UBOX5: variants seen among roughly 807,000 people sequenced by gnomAD.
UBOX5 encodes RING finger protein 37.
UBOX5 carries 28 observed loss-of-function variants against 39.0 expected under a neutral mutation model. The observed-to-expected ratio is 0.72, with a 90% confidence interval of 0.53 to 0.98. The LOEUF (loss-of-function observed/expected upper bound fraction) is 0.98, where lower values mean the gene tolerates loss of function less well. Ranked by LOEUF, UBOX5 falls within the 50% of genes least tolerant of loss-of-function variation. UBOX5 has a pLI of 0.00. For missense variants in UBOX5, 585 were observed against 674.4 expected (o/e 0.87, Z 1.47); for synonymous variants, 283 against 275.5 (o/e 1.03, Z -0.27).
chr20:3,112,694 CTGTAATCCCAG>C (rs1387309385), intron 4 of UBOX5, among the ~76,000 whole-genome samples: 6 of 152,288 alleles, frequency 3.9e-5, no homozygotes, highest in Middle Eastern at 3.4e-3. Context: ...TGGCTCACAC[CTGTAATCCCAG>C]TGTAATCCCA....
At chr20:3,130,141 C>T (rs180919672) in intron 1 of UBOX5, among the ~76,000 whole-genome samples, 1 of 151,940 alleles carries the variant, frequency 6.6e-6, no homozygotes, top group East Asian at 1.9e-4. Context: ...TATGGCTTGA[C>T]CCCAGGAGTT....
In UBOX5 at chr20:3,149,172, G is replaced by T; in HGVS notation, c.-42+10594C>A. On this transcript the variant is annotated intron_variant, in intron 1 of 4. Transcript: ENST00000217173. This position sits in a 1 kb window ranked among gnomAD's most constrained non-coding sequence, Gnocchi z 4.1. ...TGGTGCTTGATTAGAGCTGGACGGG[G>T]AGGTGTTCCACAAAAACTGCCTGGA... The T allele has an allele frequency of 1.5e-6, 2 of 1,335,538 alleles. No individual in the cohort carries two copies. The highest frequency in any genetic ancestry group is 1.0e-6 in the Non-Finnish European group (1 of 981,534). The allele number at this position is 1,335,538 out of a possible 1,614,324, so 82.7% of individuals were successfully genotyped here. A position where few individuals can be genotyped will look rare whatever the true frequency, so the allele number is the denominator to read the frequency against.
At chr20:3,113,402 G>A (rs1439671048) in intron 4 of UBOX5, among the ~76,000 whole-genome samples, 2 of 152,096 alleles carry the variant, frequency 1.3e-5, no homozygotes, top group Non-Finnish European at 2.9e-5. Context: ...GGGAGTAGGA[G>A]TTGAGGTTTT....
rs189412080 is a variant in UBOX5 at position 3,130,109 on chromosome 20, C to T, written c.-41-6703G>A. ...TTAGCTGGGCATGGTGGCATGTGTC[C>T]GTAGTCCCAGCTACTCAGGAGTATG... On this transcript the variant is annotated intron_variant, in intron 1 of 4. Coordinates refer to ENST00000217173, the MANE Select transcript of UBOX5 (RefSeq NM_014948.4). Among the ~76,000 whole-genome samples, 31 of 151,858 alleles carry T rather than the reference C, an allele frequency of 2.0e-4. No homozygotes were observed. In the East Asian group the frequency reaches 5.0e-3, roughly 25 times the overall value.
At chr20:3,125,205 G>A (rs1333987052) in intron 1 of UBOX5, among the ~76,000 whole-genome samples, 7 of 148,488 alleles carry the variant, frequency 4.7e-5, no homozygotes, top group African/African-American at 1.8e-4. Context: ...TGAGAAGTGA[G>A]GAGTGCCTCT....
chr20:3,127,036 C>CA (rs10579307), intron 1 of UBOX5, among the ~76,000 whole-genome samples: 1,321 of 66,120 alleles, frequency 0.02, 70 homozygotes, highest in Non-Finnish European at 0.029. Context: ...AACTCCGTCT[C>CA]AAAAAAAAAA....
intron 1 of UBOX5, among the ~76,000 whole-genome samples, chr20:3,125,730 A>T (rs1464425157): frequency 1.0e-5 from 1 of 100,450 alleles, no homozygotes; most frequent in Non-Finnish European, 2.0e-5. Flanking sequence ...GCCGCCCATC[A>T]TCTGGGAGGT....
At chr20:3,119,217 G>C (rs558648216) in intron 3 of UBOX5, among the ~76,000 whole-genome samples, 13 of 152,192 alleles carry the variant, frequency 8.5e-5, no homozygotes, top group Non-Finnish European at 1.3e-4. Flanking sequence ...CCTATGGAGA[G>C]GCCCACAAGG....
At chr20:3,151,711 TTTTC>T (rs1429897707) in intron 1 of UBOX5, 1 of 151,978 alleles carries the variant, frequency 6.6e-6, no homozygotes, top group Non-Finnish European at 1.5e-5. Flanking sequence ...AAAATAATGT[TTTTC>T]TTTAATATTT....
rs1389535959 is a variant in UBOX5, at chr20:3,109,113, G to A, written c.*993C>T. 2.0e-5 allele frequency: 3 copies of A among 152,008 alleles called. No individual in the cohort carries two copies. Among genetic ancestry groups the A allele is most frequent in the African/African-American group, 7.3e-5 (3 of 41,348 alleles). 9.4% of individuals were successfully genotyped at this position (152,008 alleles called of 1,614,324 possible). ...ATCTTTAGGCTGTTCCTTCCCAAAC[G>A]TGCTTAGAAGGGAACAGGGAAAGGC... On this transcript the variant is annotated 3_prime_UTR_variant, in exon 5 of 5. Transcript: ENST00000217173.
chr20:3,142,510 A>T (rs545188499), intron 1 of UBOX5, among the ~76,000 whole-genome samples: 1 of 151,244 alleles, frequency 6.6e-6, no homozygotes, highest in East Asian at 2.0e-4. Context: ...AGGCTGAGGC[A>T]GGAGAATCTC....
At chr20:3,151,648 A>T (rs556217308) in intron 1 of UBOX5, 10 of 151,636 alleles carry the variant, frequency 6.6e-5, no homozygotes, top group South Asian at 6.2e-4. Context: ...AAAATAAATT[A>T]AAAAAATAAA....
chr20:3,123,241 A>C, intron 2 of UBOX5, 71 bp downstream of exon 2: 1 of 1,510,588 alleles, frequency 6.6e-7, no homozygotes. Context: ...ATCCACACAC[A>C]CAAGGCAGGA....
At position 3,130,266 on chromosome 20, in the gene UBOX5, T is replaced by TAAAC. The variant is rs1206954736; in HGVS notation, c.-41-6864_-41-6861dup. On this transcript the variant is annotated intron_variant, in intron 1 of 4. Transcript: ENST00000217173. Reference sequence around the variant, plus strand: ...ATAAATAAATAAATAAATAAATAAATAAACAAACAAAGAGGGTGGGGGGCA... The same window carrying TAAAC: ...ATAAATAAATAAATAAATAAATAAATAAACAAACAAACAAAGAGGGTGGGGGGCA... Among the ~76,000 whole-genome samples the TAAAC allele has an allele frequency of 4.0e-3, 602 of 149,164 alleles. 3 individuals are homozygous for TAAAC. Among genetic ancestry groups the TAAAC allele is most frequent in the Non-Finnish European group, 6.8e-3 (457 of 67,424 alleles).
intron 3 of UBOX5, among the ~76,000 whole-genome samples, chr20:3,116,239 T>C (rs1001524684): frequency 1.3e-5 from 2 of 152,238 alleles, no homozygotes; most frequent in Admixed American, 1.3e-4. Context: ...TAGGTGTTCA[T>C]GTCCTCTCTC....
At chr20:3,131,839 T>A (rs936003815) in intron 1 of UBOX5, among the ~76,000 whole-genome samples, 1 of 148,780 alleles carries the variant, frequency 6.7e-6, no homozygotes, top group African/African-American at 2.5e-5. Flanking sequence ...TGAAACCCCA[T>A]CTCTATTAAA....
At chr20:3,110,621 C>T (rs1396343386) in intron 4 of UBOX5, 3 of 413,962 alleles carry the variant, frequency 7.2e-6, no homozygotes, top group Non-Finnish European at 1.4e-5. Context: ...GTTTACTTTC[C>T]CCTGCGATAG....
chr20:3,114,682 G>C (rs1244370355), intron 4 of UBOX5, among the ~76,000 whole-genome samples: 1 of 152,212 alleles, frequency 6.6e-6, no homozygotes, highest in Non-Finnish European at 1.5e-5. Flanking sequence ...AGGCGCGGTG[G>C]CTCACTCCTG....
chr20:3,111,203 G>C (rs1044071324), intron 4 of UBOX5, among the ~76,000 whole-genome samples: 1 of 152,172 alleles, frequency 6.6e-6, no homozygotes, highest in African/African-American at 2.4e-5. Context: ...ACAGGGGATG[G>C]GCTTGCCTGT....
Sources: allele counts gnomAD v4.1 joint callset (sites outside exome capture counted in the v4.1 genomes callset), GRCh38; gene constraint gnomAD v4.1.1; non-coding constraint Gnocchi (gnomAD v3.1); transcripts MANE v1.5; gene names NCBI Gene and HGNC (gene_info 2026-07-23, HGNC 2026-07-21).